The following RIMS2 variants were observed in gnomAD, a reference collection of about 807,000 sequenced individuals.
RIMS2 encodes the protein regulating synaptic membrane exocytosis protein 2.
Under a neutral mutation model 174.4 loss-of-function variants are expected in RIMS2, and 59 were observed. The ratio of observed to expected loss-of-function variants is 0.34; its 90% CI spans 0.27 to 0.42. The LOEUF (loss-of-function observed/expected upper bound fraction) is 0.42. Among genes scored for constraint, RIMS2 ranks in the 10% least tolerant of loss-of-function variants. The probability of loss-of-function intolerance (pLI) is 1.00; values close to 1 mark genes in which losing one functional copy is unlikely to be tolerated. For missense variants in RIMS2, 1,620 were observed against 1,666.3 expected, an observed-to-expected ratio of 0.97 and a Z score of 0.48; for synonymous variants, 606 against 572.5, an observed-to-expected ratio of 1.06 and a Z score of -0.84.
intron 1 of RIMS2, among the ~76,000 whole-genome samples, chr8:103,514,584 CACTT>C (rs1828049474): frequency 6.6e-6 from 1 of 151,336 alleles, no homozygotes; most frequent in Non-Finnish European, 1.5e-5. Flanking sequence ...TACAATGAGA[CACTT>C]AGCCAGCTTC....
chr8:103,522,463 A>G (rs927011230), intron 1 of RIMS2, among the ~76,000 whole-genome samples: 1 of 152,118 alleles, frequency 6.6e-6, no homozygotes, highest in African/African-American at 2.4e-5. Flanking sequence ...GCTCTAAGAC[A>G]GTGTTACTAG....
chr8:104,050,069 C>T (rs570604895), intron 19 of RIMS2, among the ~76,000 whole-genome samples: 1 of 152,184 alleles, frequency 6.6e-6, no homozygotes, highest in South Asian at 2.1e-4. Context: ...AGCCAAATAA[C>T]CAGCAAATTT....
At chr8:103,809,603 C>G (rs1204505029) in intron 3 of RIMS2, among the ~76,000 whole-genome samples, 2 of 152,166 alleles carry the variant, frequency 1.3e-5, no homozygotes, top group Admixed American at 1.3e-4. Flanking sequence ...GAATTTTGAA[C>G]AGTGATTTAT....
chr8:104,058,971 G>T (rs888906346), intron 19 of RIMS2, among the ~76,000 whole-genome samples: 115 of 152,132 alleles, frequency 7.6e-4, no homozygotes, highest in African/African-American at 2.7e-3. Context: ...GGTTACTGTA[G>T]CCTTGTAGTA....
chr8:104,210,514 T>C (rs1480836883), intron 19 of RIMS2, among the ~76,000 whole-genome samples: 1 of 152,190 alleles, frequency 6.6e-6, no homozygotes, highest in African/African-American at 2.4e-5. Context: ...GGAGATTCTT[T>C]TAAATTGAAA....
At chr8:103,970,598 T>A (rs895923309) in intron 15 of RIMS2, among the ~76,000 whole-genome samples, 1 of 152,182 alleles carries the variant, frequency 6.6e-6, no homozygotes, top group East Asian at 1.9e-4. Context: ...TCTTAACTGA[T>A]CCTCTAGCAA....
At chr8:103,871,134 C>A (rs371533607) in intron 3 of RIMS2, among the ~76,000 whole-genome samples, 1 of 152,162 alleles carries the variant, frequency 6.6e-6, no homozygotes, top group East Asian at 1.9e-4. Context: ...AAGGGCCAGG[C>A]GCAGTGGCTC....
chr8:103,673,877 A>G (rs12707789), intron 1 of RIMS2, among the ~76,000 whole-genome samples: 26,924 of 152,138 alleles, frequency 0.18, 2,593 homozygotes, highest in African/African-American at 0.24. Flanking sequence ...TTTAGGCTCT[A>G]TTTCCTTTGA....
chr8:103,999,177 C>A lies in RIMS2; in HGVS notation c.3044+9756C>A, dbSNP rs557145257. On this transcript the variant is annotated intron_variant, in intron 17 of 23. Coordinates refer to ENST00000504942, the Ensembl canonical transcript of RIMS2. ...AGAGTTATGTGTGACTTCCTTCATC[C>A]CTATGAAATTAACTAAGAGTTGATA... Among the ~76,000 whole-genome samples, 5 of 151,546 alleles carry A rather than the reference C, an allele frequency of 3.3e-5. No homozygotes were observed. The South Asian group carries it at 6.2e-4, about 19-fold the overall frequency.
intron 14 of RIMS2, among the ~76,000 whole-genome samples, chr8:103,958,673 G>A (rs1413133195): frequency 1.3e-5 from 2 of 152,136 alleles, no homozygotes; most frequent in Non-Finnish European, 2.9e-5. Context: ...GTGGATTAAT[G>A]ACTGAAATAT....
In RIMS2 at chr8:104,170,711, CTAGA is replaced by C. The variant is rs2098827078; in HGVS notation, c.3335-74202_3335-74199del. ...TTCTATTCATCATATTAGCTGTTACCTAGATACTTTTTTTTCAATGTGTTATTGT... is the reference window on the plus strand; with the variant it reads ...TTCTATTCATCATATTAGCTGTTACCTACTTTTTTTTCAATGTGTTATTGT... On this transcript the variant is annotated intron_variant, in intron 19 of 23. Coordinates refer to ENST00000504942, the Ensembl canonical transcript of RIMS2. Among the ~76,000 whole-genome samples the C allele has an allele frequency of 2.0e-5, 3 of 151,814 alleles. No individual in the cohort carries two copies. In the South Asian group the frequency reaches 6.2e-4, roughly 31 times the overall value.
intron 19 of RIMS2, among the ~76,000 whole-genome samples, chr8:104,143,358 G>T (rs754011418): frequency 1.9e-4 from 29 of 152,268 alleles, no homozygotes; most frequent in Non-Finnish European, 3.5e-4. Flanking sequence ...TTACATAAAA[G>T]GAGAACTTTA....
chr8:103,568,981 C>T (rs563615998), intron 1 of RIMS2: 34 of 570,890 alleles, frequency 6.0e-5, no homozygotes, highest in South Asian at 5.2e-4. Context: ...AGCTGATCAC[C>T]GTGTTCCTAT....
At chr8:103,985,191 CG>C (rs978286738) in intron 16 of RIMS2, among the ~76,000 whole-genome samples, 1 of 151,686 alleles carries the variant, frequency 6.6e-6, no homozygotes, top group African/African-American at 2.4e-5. Context: ...AGAGTATAAT[CG>C]GGGCCAGGCA....
chr8:103,927,935 C>T, intron 11 of RIMS2: 1 of 1,538,656 alleles, frequency 6.5e-7, no homozygotes, highest in Non-Finnish European at 8.8e-7. Flanking sequence ...GTGTTTAACC[C>T]TATTTGTATG....
intron 1 of RIMS2, among the ~76,000 whole-genome samples, chr8:103,503,470 T>C (rs1029430342): frequency 6.6e-6 from 1 of 151,976 alleles, no homozygotes; most frequent in Non-Finnish European, 1.5e-5. Flanking sequence ...CGGTCTTCAA[T>C]GGTTACTATT....
Position 103,694,780 on chromosome 8 carries a change from A to G in RIMS2, c.177-2306A>G, listed in dbSNP as rs562345498. On this transcript the variant is annotated intron_variant, in intron 1 of 23. Transcript: ENST00000504942. The stretch of plus-strand genomic sequence containing the variant: ...ATTGAACTGCAGGGCCTGGCCTGAT[A>G]CTGGGTTGTGCCTGAAGCCTGAGGT... Among the ~76,000 whole-genome samples the G allele has an allele frequency of 4.6e-5, 7 of 152,254 alleles. No individual in the cohort carries two copies. In the South Asian group the frequency reaches 1.2e-3, roughly 27 times the overall value.
chr8:104,051,543 T>A (rs1403161009), intron 19 of RIMS2, among the ~76,000 whole-genome samples: 6 of 151,120 alleles, frequency 4.0e-5, no homozygotes, highest in Non-Finnish European at 8.8e-5. Flanking sequence ...GGAAATCAGA[T>A]GAAATATTAC....
At chr8:103,809,428 T>C (rs1310599209) in intron 3 of RIMS2, among the ~76,000 whole-genome samples, 2 of 152,112 alleles carry the variant, frequency 1.3e-5, no homozygotes, top group Non-Finnish European at 2.9e-5. Context: ...TAAAAACCCC[T>C]GTAAGGGCTG....
Sources: gnomAD v4.1 joint callset for allele counts (sites outside exome capture counted in the v4.1 genomes callset) on GRCh38, gnomAD v4.1.1 for gene constraint, MANE v1.5 for transcripts, NCBI Gene and HGNC (gene_info 2026-07-23, HGNC 2026-07-21) for gene names.